EPHA7: variants seen among roughly 807,000 people sequenced by gnomAD.
EPHA7 encodes ephrin type-A receptor 7.
A neutral mutation model predicts 112.6 loss-of-function variants in EPHA7; 25 were observed. That is an observed-to-expected ratio of 0.22 (90% CI 0.16 to 0.31). The LOEUF is 0.31. Ranked by LOEUF, EPHA7 falls within the 10% of genes least tolerant of loss-of-function variation. EPHA7 has a pLI of 1.00. For synonymous variants in EPHA7, 437 were observed against 406.5 expected (o/e 1.07, Z -0.90); for missense variants, 962 against 1,212.6 (o/e 0.79, Z 3.07).
intron 5 of EPHA7, among the ~76,000 whole-genome samples, chr6:93,321,631 T>C (rs762137254): frequency 6.6e-6 from 1 of 151,954 alleles, no homozygotes; most frequent in Admixed American, 6.6e-5. Flanking sequence ...ACTTCTGGAA[T>C]TGACATTTCT....
At chr6:93,379,189 A>G (rs527293127) in intron 3 of EPHA7, among the ~76,000 whole-genome samples, 3 of 152,094 alleles carry the variant, frequency 2.0e-5, no homozygotes, top group Non-Finnish European at 4.4e-5. Flanking sequence ...TAAAAATCAA[A>G]TTTGCTTTAA....
At chr6:93,378,086 A>T (rs1777151691) in intron 3 of EPHA7, among the ~76,000 whole-genome samples, 1 of 152,020 alleles carries the variant, frequency 6.6e-6, no homozygotes, top group Non-Finnish European at 1.5e-5. Flanking sequence ...CAGAAAATGT[A>T]AGAGATATTC....
chr6:93,298,758 T>A (rs1482501215), intron 5 of EPHA7, among the ~76,000 whole-genome samples: 1 of 152,174 alleles, frequency 6.6e-6, no homozygotes, highest in Non-Finnish European at 1.5e-5. Flanking sequence ...AGTTAAATAT[T>A]TCTGGAGGTC....
At chr6:93,248,833 T>C (rs1360065254) in intron 14 of EPHA7, among the ~76,000 whole-genome samples, 1 of 152,090 alleles carries the variant, frequency 6.6e-6, no homozygotes, top group Non-Finnish European at 1.5e-5. Flanking sequence ...TCCTCTTATA[T>C]ACACAATTAG....
intron 5 of EPHA7, among the ~76,000 whole-genome samples, chr6:93,288,477 TG>T (rs1423984034): frequency 6.6e-6 from 1 of 152,192 alleles, no homozygotes; most frequent in East Asian, 1.9e-4. Flanking sequence ...TGGATTGTGG[TG>T]ATGCTTGCAC....
At chr6:93,321,644 C>T (rs1406312919) in intron 5 of EPHA7, among the ~76,000 whole-genome samples, 1 of 151,894 alleles carries the variant, frequency 6.6e-6, no homozygotes, top group Non-Finnish European at 1.5e-5. Flanking sequence ...ACATTTCTGA[C>T]CCCACTGGGC....
intron 3 of EPHA7, among the ~76,000 whole-genome samples, chr6:93,405,811 GTGTATATATATATATATATA>G (rs1177312424): frequency 3.4e-5 from 2 of 58,958 alleles, no homozygotes; most frequent in South Asian, 6.7e-4. Flanking sequence ...GTGTGTGTGT[GTGTATATATATATATATATA>G]TATATATATA....
intron 5 of EPHA7, among the ~76,000 whole-genome samples, chr6:93,276,271 TG>T (rs1771466975): frequency 6.6e-6 from 1 of 152,036 alleles, no homozygotes; most frequent in Admixed American, 6.6e-5. Context: ...ATTTCAACTG[TG>T]GGAGGAACCA....
chr6:93,353,578 G>C (rs191148903), intron 5 of EPHA7, among the ~76,000 whole-genome samples: 4 of 152,158 alleles, frequency 2.6e-5, no homozygotes, highest in Admixed American at 2.0e-4. Flanking sequence ...ATTTTGCCTT[G>C]ACAGGTTCCC....
chr6:93,318,187 G>C (rs894843179), intron 5 of EPHA7, among the ~76,000 whole-genome samples: 1 of 152,076 alleles, frequency 6.6e-6, no homozygotes, highest in Non-Finnish European at 1.5e-5. Flanking sequence ...CACAGAGCTT[G>C]GTATATAATA....
intron 3 of EPHA7, among the ~76,000 whole-genome samples, chr6:93,402,774 A>G (rs1778493293): frequency 6.6e-6 from 1 of 151,998 alleles, no homozygotes; most frequent in African/African-American, 2.4e-5. Context: ...ATAATTTGGA[A>G]GCAAACAATA....
chr6:93,267,364 G>A (rs1562055480), intron 7 of EPHA7, among the ~76,000 whole-genome samples: 1 of 151,656 alleles, frequency 6.6e-6, no homozygotes, highest in Non-Finnish European at 1.5e-5. Flanking sequence ...AGAAATTAGG[G>A]TACAGAGACC....
At chr6:93,278,553 G>A (rs1010543405) in intron 5 of EPHA7, among the ~76,000 whole-genome samples, 1 of 151,938 alleles carries the variant, frequency 6.6e-6, no homozygotes, top group African/African-American at 2.4e-5. Context: ...CTTTTTACTG[G>A]TTTAGTTCTA....
At chr6:93,357,093 G>GAA in intron 4 of EPHA7, 41 bp from the exon 5 acceptor site, 4 of 1,422,176 alleles carry the variant, frequency 2.8e-6, no homozygotes, top group Non-Finnish European at 3.8e-6. Context: ...AGCAAAAATA[G>GAA]AAAAAAAAAC....
At chr6:93,328,614 G>C (rs975731426) in intron 5 of EPHA7, among the ~76,000 whole-genome samples, 1 of 151,282 alleles carries the variant, frequency 6.6e-6, no homozygotes, top group Admixed American at 6.6e-5. Flanking sequence ...TTTCTTACCT[G>C]ACTTTATTAT....
chr6:93,307,061 G>T (rs1295932532), intron 5 of EPHA7, among the ~76,000 whole-genome samples: 6 of 151,652 alleles, frequency 4.0e-5, no homozygotes, highest in Admixed American at 3.9e-4. Flanking sequence ...TTGAATACAG[G>T]ACTTAAACAT....
At position 93,287,357 on chromosome 6, in the gene EPHA7, C is replaced by T. The variant is rs115118533; in HGVS notation, c.1325-14935G>A. On this transcript the variant is annotated intron_variant, in intron 5 of 16. Transcript: ENST00000369303. ...CTTCTTTAGTCTGGCTTCGGTCCAC[C>T]TCATTCCATTAAATGAGTTATTGAT... 3.5e-3 allele frequency among the ~76,000 whole-genome samples: 531 copies of T among 152,156 alleles called. 2 individuals carry two copies. The highest frequency in any genetic ancestry group is 0.011 in the African/African-American group (459 of 41,496).
intron 3 of EPHA7, among the ~76,000 whole-genome samples, chr6:93,393,791 A>G (rs1048289682): frequency 5.9e-5 from 9 of 151,958 alleles, no homozygotes; most frequent in African/African-American, 1.9e-4. Flanking sequence ...CAGTGATTCC[A>G]TGAAGCCAAA....
At chr6:93,282,919 C>G (rs1202760033) in intron 5 of EPHA7, among the ~76,000 whole-genome samples, 2 of 152,174 alleles carry the variant, frequency 1.3e-5, no homozygotes, top group Non-Finnish European at 2.9e-5. Context: ...ATGGCCAGAG[C>G]CTCCCCGAGG....
Sources: allele counts gnomAD v4.1 joint callset (sites outside exome capture counted in the v4.1 genomes callset), GRCh38; gene constraint gnomAD v4.1.1; transcripts MANE v1.5; gene names NCBI Gene and HGNC (gene_info 2026-07-23, HGNC 2026-07-21).